Variants in FRMD4B observed in about 807,000 individuals in gnomAD.
FRMD4B encodes the protein FERM domain-containing protein 4B.
Under a neutral mutation model 141.5 loss-of-function variants are expected in FRMD4B, and 74 were observed. The observed-to-expected ratio is 0.52, with a 90% CI of 0.43 to 0.63. The LOEUF (loss-of-function observed/expected upper bound fraction) is 0.63, where lower values mean the gene tolerates loss of function less well. FRMD4B is among the 30% of genes least tolerant of loss of function. FRMD4B has a pLI of 0.00. For missense variants in FRMD4B, 1,366 were observed against 1,253.4 expected, an observed-to-expected ratio of 1.09 and a Z score of -1.36; for synonymous variants, 506 against 467.9, an observed-to-expected ratio of 1.08 and a Z score of -1.05.
At chr3:69,185,061 T>C (rs1476718589) in intron 19 of FRMD4B, among the ~76,000 whole-genome samples, 2 of 152,096 alleles carry the variant, frequency 1.3e-5, no homozygotes, top group Admixed American at 6.6e-5. Context: ...CACAGCACTT[T>C]GGGAGGCCGA....
At chr3:69,480,589 C>A (rs1258197808) in intron 1 of FRMD4B, among the ~76,000 whole-genome samples, 1 of 152,064 alleles carries the variant, frequency 6.6e-6, no homozygotes, top group Non-Finnish European at 1.5e-5. Flanking sequence ...GAGGAATACC[C>A]GGCCGTGTGA....
intron 1 of FRMD4B, among the ~76,000 whole-genome samples, chr3:69,464,214 T>C (rs1158553231): frequency 2.6e-5 from 4 of 152,228 alleles, no homozygotes; most frequent in African/African-American, 9.6e-5. Context: ...TTAAAATACA[T>C]GCTGGTAACT....
chr3:69,359,536 G>A (rs974929821), intron 1 of FRMD4B, among the ~76,000 whole-genome samples: 7 of 152,174 alleles, frequency 4.6e-5, no homozygotes, highest in African/African-American at 1.7e-4. Context: ...CAGCTGGAGG[G>A]GGTGCACTAT....
At chr3:69,407,625 G>C (rs1190301054) in intron 2 of FRMD4B, among the ~76,000 whole-genome samples, 1 of 152,178 alleles carries the variant, frequency 6.6e-6, no homozygotes, top group Non-Finnish European at 1.5e-5. Flanking sequence ...CTGATCTGAT[G>C]GTGTCCACTG....
At chr3:69,481,345 C>A (rs1706121919) in intron 1 of FRMD4B, among the ~76,000 whole-genome samples, 1 of 152,066 alleles carries the variant, frequency 6.6e-6, no homozygotes. Flanking sequence ...TCCTATTCGG[C>A]CATCTTGGCA....
intron 1 of FRMD4B, among the ~76,000 whole-genome samples, chr3:69,331,305 A>G (rs1400629261): frequency 6.6e-6 from 1 of 152,134 alleles, no homozygotes; most frequent in Admixed American, 6.5e-5. Flanking sequence ...GCAGAGGGAT[A>G]ATACTGGGTG....
At chr3:69,380,723 T>C (rs887898016) in intron 1 of FRMD4B, among the ~76,000 whole-genome samples, 2 of 152,150 alleles carry the variant, frequency 1.3e-5, no homozygotes, top group Non-Finnish European at 2.9e-5. Flanking sequence ...CAGCCTCTTA[T>C]TGGTCACTTA....
chr3:69,361,335 T>C (rs1703465700), intron 1 of FRMD4B, among the ~76,000 whole-genome samples: 1 of 152,188 alleles, frequency 6.6e-6, no homozygotes, highest in South Asian at 2.1e-4. Flanking sequence ...GCTCATCTTG[T>C]GCATTTACTA....
intron 1 of FRMD4B, among the ~76,000 whole-genome samples, chr3:69,455,575 A>G (rs1172712512): frequency 6.6e-6 from 1 of 152,208 alleles, no homozygotes; most frequent in Non-Finnish European, 1.5e-5. Context: ...CCGACGGAAC[A>G]TCAGAAGGAA....
intron 1 of FRMD4B, among the ~76,000 whole-genome samples, chr3:69,365,826 C>G (rs574117554): frequency 9.2e-5 from 14 of 152,096 alleles, no homozygotes; most frequent in African/African-American, 2.2e-4. Context: ...CAAATTCCTT[C>G]CAAATTCCAG....
intron 3 of FRMD4B, among the ~76,000 whole-genome samples, chr3:69,306,932 A>C (rs1701414896): frequency 6.6e-6 from 1 of 152,164 alleles, no homozygotes; most frequent in Non-Finnish European, 1.5e-5. Context: ...TTACCAAAGA[A>C]AAAGAACTAG....
chr3:69,290,411 G>A (rs1470431717), intron 4 of FRMD4B, among the ~76,000 whole-genome samples: 26 of 152,134 alleles, frequency 1.7e-4, no homozygotes, highest in Admixed American at 1.3e-3. Context: ...CAGGGTAGCC[G>A]AGTCACTTGT....
intron 1 of FRMD4B, among the ~76,000 whole-genome samples, chr3:69,522,087 C>T (rs1439693951): frequency 6.6e-6 from 1 of 152,050 alleles, no homozygotes; most frequent in African/African-American, 2.4e-5. Flanking sequence ...GACTCAGATT[C>T]TTCGGATACA....
chr3:69,524,607 G>C (rs1700905803), intron 1 of FRMD4B, among the ~76,000 whole-genome samples: 1 of 152,176 alleles, frequency 6.6e-6, no homozygotes, highest in African/African-American at 2.4e-5. Flanking sequence ...CACAAAGGTA[G>C]GGGAACCCAT....
chr3:69,272,936 ATCTT>A (rs1673722004), intron 5 of FRMD4B, among the ~76,000 whole-genome samples: 1 of 152,356 alleles, frequency 6.6e-6, no homozygotes, highest in Non-Finnish European at 1.5e-5. Context: ...GTATGAAAAT[ATCTT>A]TCTAAGTTTT....
chr3:69,521,067 T>C (rs901325750), intron 1 of FRMD4B, among the ~76,000 whole-genome samples: 3 of 152,128 alleles, frequency 2.0e-5, no homozygotes, highest in Admixed American at 1.3e-4. Flanking sequence ...TCTCTGCATG[T>C]AGCTTGATGG....
chr3:69,241,501 G>A (rs192858253), intron 7 of FRMD4B, among the ~76,000 whole-genome samples: 9 of 152,214 alleles, frequency 5.9e-5, no homozygotes, highest in Admixed American at 1.3e-4. Context: ...TCAAAGGCCC[G>A]ACCTGAAATA....
chr3:69,228,987 T>A (rs1023009852), intron 7 of FRMD4B, among the ~76,000 whole-genome samples: 2 of 151,064 alleles, frequency 1.3e-5, no homozygotes, highest in African/African-American at 4.9e-5. Context: ...TCGCTACTTG[T>A]GGAATCTTGA....
intron 1 of FRMD4B, among the ~76,000 whole-genome samples, chr3:69,477,274 T>A (rs563854486): frequency 6.6e-6 from 1 of 151,116 alleles, no homozygotes; most frequent in African/African-American, 2.5e-5. Flanking sequence ...GGCATCCCTG[T>A]CTTGTGCCAG....
Sources: gnomAD v4.1 joint callset for allele counts (sites outside exome capture counted in the v4.1 genomes callset) on GRCh38, gnomAD v4.1.1 for gene constraint, MANE v1.5 for transcripts, NCBI Gene and HGNC (gene_info 2026-07-23, HGNC 2026-07-21) for gene names.